Variants in CNTNAP2 observed in about 807,000 individuals in gnomAD.
CNTNAP2 encodes the protein contactin associated protein 2.
A neutral mutation model predicts 155.2 loss-of-function variants in CNTNAP2; 98 were observed. The ratio of observed to expected loss-of-function variants is 0.63; its 90% CI spans 0.54 to 0.75. The LOEUF (loss-of-function observed/expected upper bound fraction) is 0.75. Ranked by LOEUF, CNTNAP2 falls within the 30% of genes least tolerant of loss-of-function variation. The probability of loss-of-function intolerance (pLI) is 0.00; values close to 1 mark genes in which losing one functional copy is unlikely to be tolerated. For synonymous variants in CNTNAP2, 651 were observed against 631.2 expected, an observed-to-expected ratio of 1.03 and a Z score of -0.47; for missense variants, 1,727 against 1,688.1, an observed-to-expected ratio of 1.02 and a Z score of -0.40.
At chr7:146,864,247 A>G (rs1406004169) in intron 3 of CNTNAP2, among the ~76,000 whole-genome samples, 2 of 152,160 alleles carry the variant, frequency 1.3e-5, no homozygotes, top group Admixed American at 6.5e-5. Flanking sequence ...TTATATAAAG[A>G]CAATACCTTA....
At chr7:147,418,170 C>A (rs896712999) in intron 10 of CNTNAP2, among the ~76,000 whole-genome samples, 10 of 152,066 alleles carry the variant, frequency 6.6e-5, no homozygotes, top group African/African-American at 2.2e-4. Context: ...CTTCTTAAAC[C>A]CATCCTGAAA....
At chr7:147,472,279 C>G (rs1438450975) in intron 10 of CNTNAP2, among the ~76,000 whole-genome samples, 2 of 130,270 alleles carry the variant, frequency 1.5e-5, no homozygotes, top group East Asian at 4.9e-4. Flanking sequence ...GTGGCATGAT[C>G]TCGGCTCACT....
intron 1 of CNTNAP2, among the ~76,000 whole-genome samples, chr7:146,452,096 A>G (rs192451562): frequency 1.3e-5 from 2 of 151,532 alleles, no homozygotes; most frequent in East Asian, 2.0e-4. Context: ...TTTAGTAGAG[A>G]CGGGGTTTCA....
chr7:148,030,938 T>TA (rs1290325933), intron 15 of CNTNAP2, among the ~76,000 whole-genome samples: 1 of 152,012 alleles, frequency 6.6e-6, no homozygotes, highest in Non-Finnish European at 1.5e-5. Flanking sequence ...AGACACTCAT[T>TA]AAAAATGGCA....
chr7:147,614,334 G>A (rs187566438), intron 12 of CNTNAP2, among the ~76,000 whole-genome samples: 1 of 152,112 alleles, frequency 6.6e-6, no homozygotes, highest in Admixed American at 6.5e-5. Flanking sequence ...TTTGAATATG[G>A]AATATTCCTT....
At chr7:146,880,309 G>A (rs1478998495) in intron 3 of CNTNAP2, among the ~76,000 whole-genome samples, 1 of 151,916 alleles carries the variant, frequency 6.6e-6, no homozygotes, top group East Asian at 1.9e-4. Context: ...ATTCATAAAA[G>A]CTCCTTTATG....
At chr7:147,608,800 C>T (rs917526484) in intron 12 of CNTNAP2, among the ~76,000 whole-genome samples, 7 of 151,756 alleles carry the variant, frequency 4.6e-5, no homozygotes, top group African/African-American at 1.7e-4. Context: ...GGGCTGAGTC[C>T]GAAAAGAGAG....
At chr7:147,240,859 A>G (rs78482762) in intron 8 of CNTNAP2, among the ~76,000 whole-genome samples, 1 of 152,206 alleles carries the variant, frequency 6.6e-6, no homozygotes, top group Non-Finnish European at 1.5e-5. Flanking sequence ...GACTCCTTTC[A>G]TTTAAACATA....
At chr7:146,270,118 C>G (rs1211482196) in intron 1 of CNTNAP2, among the ~76,000 whole-genome samples, 1 of 152,188 alleles carries the variant, frequency 6.6e-6, no homozygotes, top group Non-Finnish European at 1.5e-5. Context: ...ATTACTCACT[C>G]CATCCTCCAC....
chr7:146,879,819 A>G (rs1017252012), intron 3 of CNTNAP2, among the ~76,000 whole-genome samples: 9 of 152,146 alleles, frequency 5.9e-5, no homozygotes, highest in Non-Finnish European at 7.3e-5. Context: ...CTGCTGATAA[A>G]GACATACTGG....
intron 8 of CNTNAP2, among the ~76,000 whole-genome samples, chr7:147,183,661 G>A (rs1200552369): frequency 6.6e-6 from 1 of 152,120 alleles, no homozygotes; most frequent in Non-Finnish European, 1.5e-5. Flanking sequence ...TATTTTCTTA[G>A]TCTGAAGCTT....
intron 13 of CNTNAP2, among the ~76,000 whole-genome samples, chr7:147,738,293 A>G (rs746063527): frequency 8.5e-5 from 13 of 152,168 alleles, no homozygotes; most frequent in Non-Finnish European, 1.6e-4. Flanking sequence ...ATTTGAGAGG[A>G]CTGACTCCAA....
intron 13 of CNTNAP2, among the ~76,000 whole-genome samples, chr7:147,868,165 A>G (rs1212265676): frequency 1.3e-5 from 2 of 152,026 alleles, no homozygotes; most frequent in East Asian, 3.9e-4. Context: ...TGTTGATGCT[A>G]TTCCTTTCTG....
chr7:146,383,425 G>A (rs964290444), intron 1 of CNTNAP2, among the ~76,000 whole-genome samples: 1 of 152,046 alleles, frequency 6.6e-6, no homozygotes, highest in Non-Finnish European at 1.5e-5. Flanking sequence ...GGTTTTTAAC[G>A]GCATTTCTGA....
intron 14 of CNTNAP2, among the ~76,000 whole-genome samples, chr7:147,966,440 T>C (rs1801211643): frequency 6.6e-6 from 1 of 152,078 alleles, no homozygotes; most frequent in African/African-American, 2.4e-5. Context: ...GTACAGAAAG[T>C]AAATTAGATA....
intron 1 of CNTNAP2, among the ~76,000 whole-genome samples, chr7:146,550,880 T>G (rs1798111728): frequency 6.6e-6 from 1 of 151,964 alleles, no homozygotes; most frequent in African/African-American, 2.4e-5. Flanking sequence ...GCTTCATGAA[T>G]GAAGTGACAC....
At chr7:146,784,114 A>AAG (rs1333459919) in intron 2 of CNTNAP2, among the ~76,000 whole-genome samples, 1 of 152,212 alleles carries the variant, frequency 6.6e-6, no homozygotes, top group Non-Finnish European at 1.5e-5. Context: ...ATAAAGATAA[A>AAG]AGAGTTTTTC....
At chr7:147,083,518 C>T (rs981897007) in intron 4 of CNTNAP2, among the ~76,000 whole-genome samples, 1 of 129,580 alleles carries the variant, frequency 7.7e-6, no homozygotes, top group Non-Finnish European at 1.6e-5. Context: ...AAGTAAACAT[C>T]ATTTTATATA....
At chr7:146,984,713 A>G (rs1313485358) in intron 3 of CNTNAP2, among the ~76,000 whole-genome samples, 12 of 152,052 alleles carry the variant, frequency 7.9e-5, no homozygotes, top group Non-Finnish European at 1.5e-5. Flanking sequence ...GTTTATTTTT[A>G]TAGTATTTCT....
Sources: gnomAD v4.1 joint callset for allele counts (sites outside exome capture counted in the v4.1 genomes callset) on GRCh38, gnomAD v4.1.1 for gene constraint, MANE v1.5 for transcripts, NCBI Gene and HGNC (gene_info 2026-07-23, HGNC 2026-07-21) for gene names.